SGCZ: variants seen among roughly 807,000 people sequenced by gnomAD.
The protein encoded by SGCZ is sarcoglycan zeta, also known as zeta-sarcoglycan.
SGCZ carries 40 observed loss-of-function variants against 41.3 expected under a neutral mutation model. The ratio of observed to expected loss-of-function variants is 0.97; its 90% CI spans 0.75 to 1.26. The LOEUF (loss-of-function observed/expected upper bound fraction) is 1.26, where lower values mean the gene tolerates loss of function less well. Among genes scored for constraint, SGCZ ranks in the 50% most tolerant of loss-of-function variants. The pLI is 0.00. For synonymous variants in SGCZ, 206 were observed against 137.5 expected, an observed-to-expected ratio of 1.50 and a Z score of -3.49; for missense variants, 552 against 369.8, an observed-to-expected ratio of 1.49 and a Z score of -4.04.
intron 1 of SGCZ, among the ~76,000 whole-genome samples, chr8:14,864,289 C>A (rs1035466163): frequency 1.2e-4 from 18 of 152,214 alleles, no homozygotes; most frequent in African/African-American, 3.9e-4. Context: ...ATAAACAAAT[C>A]TGTGTCAACC....
intron 5 of SGCZ, among the ~76,000 whole-genome samples, chr8:14,139,874 C>G (rs892791067): frequency 3.3e-5 from 5 of 152,044 alleles, no homozygotes; most frequent in African/African-American, 1.2e-4. Context: ...CTGGCAGAGA[C>G]ACAACAAAAA....
intron 4 of SGCZ, among the ~76,000 whole-genome samples, chr8:14,218,976 C>T (rs1806095857): frequency 6.6e-6 from 1 of 152,114 alleles, no homozygotes; most frequent in East Asian, 1.9e-4. Context: ...CAACGTTGAC[C>T]GTTCTATGGT....
chr8:14,118,269 C>T (rs1004819392), intron 5 of SGCZ, among the ~76,000 whole-genome samples: 3 of 151,358 alleles, frequency 2.0e-5, no homozygotes, highest in South Asian at 2.1e-4. Context: ...TTTTAATGAT[C>T]GCCATTCTAA....
chr8:14,928,464 G>A (rs1167911200), intron 1 of SGCZ, among the ~76,000 whole-genome samples: 1 of 152,086 alleles, frequency 6.6e-6, no homozygotes, highest in Non-Finnish European at 1.5e-5. Context: ...AATAAAATAG[G>A]AAGTATCTCA....
intron 2 of SGCZ, among the ~76,000 whole-genome samples, chr8:14,371,018 A>T (rs1803889847): frequency 1.3e-5 from 2 of 152,000 alleles, no homozygotes; most frequent in Non-Finnish European, 2.9e-5. Context: ...ATAAGTTAGC[A>T]TTGAAAAAAG....
Position 15,049,964 on chromosome 8 carries a change from C to T in SGCZ, c.39+187621G>A, listed in dbSNP as rs761411766. Among the ~76,000 whole-genome samples the T allele has an allele frequency of 7.9e-5, 12 of 152,156 alleles. 1 individual carries two copies. Among genetic ancestry groups the T allele is most frequent in the Non-Finnish European group, 5.9e-5 (4 of 68,026 alleles). On this transcript the variant is annotated intron_variant, in intron 1 of 7. Transcript: ENST00000382080. Reference sequence around the variant, plus strand: ...CATCTGAAACTGTGTGTCCATTAAACCTCTTTTACTTTATAAATTACCCAG... The same window carrying T: ...CATCTGAAACTGTGTGTCCATTAAATCTCTTTTACTTTATAAATTACCCAG...
At chr8:15,087,839 A>G (rs1806005191) in intron 1 of SGCZ, among the ~76,000 whole-genome samples, 1 of 152,170 alleles carries the variant, frequency 6.6e-6, no homozygotes, top group African/African-American at 2.4e-5. Flanking sequence ...ATAATCTAAA[A>G]ACATTCCATT....
intron 4 of SGCZ, among the ~76,000 whole-genome samples, chr8:14,201,265 C>T (rs761841703): frequency 1.9e-4 from 29 of 152,010 alleles, no homozygotes; most frequent in Non-Finnish European, 3.4e-4. Context: ...GCTATCCCTC[C>T]CCAGGTATTT....
chr8:14,480,191 T>C (rs959208304), intron 2 of SGCZ, among the ~76,000 whole-genome samples: 2 of 152,234 alleles, frequency 1.3e-5, no homozygotes, highest in African/African-American at 2.4e-5. Context: ...TAGGTAACTA[T>C]TTATACATTG....
chr8:14,682,569 G>C (rs939495437), intron 1 of SGCZ, among the ~76,000 whole-genome samples: 7 of 151,796 alleles, frequency 4.6e-5, no homozygotes, highest in Non-Finnish European at 1.0e-4. Context: ...TGAGTAGCTG[G>C]GACTACAGGC....
rs564612463 is a variant in SGCZ, at chr8:15,058,414, C to T, written c.39+179171G>A. On this transcript the variant is annotated intron_variant, in intron 1 of 7. Transcript: ENST00000382080. ...TGGGATGGGTGTCACCATCTTTTGT[C>T]GGTCAAACCAAGGTGAATATACTAC... 6.8e-4 allele frequency among the ~76,000 whole-genome samples: 103 copies of T among 152,170 alleles called. 1 individual carries two copies. Among genetic ancestry groups the T allele is most frequent in the African/African-American group, 2.3e-3 (96 of 41,532 alleles).
chr8:14,918,487 C>G (rs921597509), intron 1 of SGCZ, among the ~76,000 whole-genome samples: 64 of 152,102 alleles, frequency 4.2e-4, no homozygotes, highest in Non-Finnish European at 5.0e-4. Flanking sequence ...TCAAAGCCCT[C>G]TAATATGAAG....
rs139565009 is a variant in SGCZ, at chr8:14,596,913, A to AAAAC, written c.40-41991_40-41988dup. The stretch of plus-strand genomic sequence containing the variant: ...TGTTTCTGTTAAAAATAAATAACTG[A>AAAAC]AAACAAACAAACAAACAAACAGCAA... On this transcript the variant is annotated intron_variant, in intron 1 of 7. Coordinates refer to ENST00000382080, the MANE Select transcript of SGCZ (RefSeq NM_139167.4). Among the ~76,000 whole-genome samples, 875 of 152,298 alleles carry AAAAC rather than the reference A, an allele frequency of 5.7e-3. 6 individuals carry two copies. Among genetic ancestry groups the AAAAC allele is most frequent in the African/African-American group, 0.02 (817 of 41,560 alleles).
chr8:14,420,178 T>C (rs1799601418), intron 2 of SGCZ, among the ~76,000 whole-genome samples: 1 of 152,102 alleles, frequency 6.6e-6, no homozygotes, highest in Non-Finnish European at 1.5e-5. Flanking sequence ...TTTTACCCTA[T>C]ATTACCCAGT....
At chr8:14,702,970 T>TAGAC (rs3988432) in intron 1 of SGCZ, among the ~76,000 whole-genome samples, 6,477 of 129,132 alleles carry the variant, frequency 0.05, 223 homozygotes, top group Non-Finnish European at 0.067. Context: ...GATAGATAGA[T>TAGAC]AGACAGACAG....
chr8:14,293,781 G>T (rs912836259), intron 3 of SGCZ, among the ~76,000 whole-genome samples: 4 of 151,752 alleles, frequency 2.6e-5, no homozygotes, highest in African/African-American at 4.8e-5. Context: ...TTCCAACTTT[G>T]TCCCTTTTTA....
chr8:14,106,943 G>A (rs754376033), intron 6 of SGCZ, among the ~76,000 whole-genome samples: 2 of 152,096 alleles, frequency 1.3e-5, no homozygotes, highest in Non-Finnish European at 2.9e-5. Flanking sequence ...CAGGCTAGGC[G>A]CGGTGGCTCA....
At chr8:14,803,579 C>T (rs560140103) in intron 1 of SGCZ, among the ~76,000 whole-genome samples, 10 of 152,248 alleles carry the variant, frequency 6.6e-5, no homozygotes, top group African/African-American at 1.4e-4. Flanking sequence ...GAGGGTCTGA[C>T]GCCCAGGGAG....
chr8:15,216,900 G>C (rs1801421923), intron 1 of SGCZ, among the ~76,000 whole-genome samples: 1 of 152,004 alleles, frequency 6.6e-6, no homozygotes, highest in South Asian at 2.1e-4. Flanking sequence ...AGAGATTTTT[G>C]GGTATCGTTG....
Sources: allele counts gnomAD v4.1 joint callset (sites outside exome capture counted in the v4.1 genomes callset), GRCh38; gene constraint gnomAD v4.1.1; transcripts MANE v1.5; gene names NCBI Gene and HGNC (gene_info 2026-07-23, HGNC 2026-07-21).